Variants in RGS7 observed in about 807,000 individuals in gnomAD.
The protein encoded by RGS7 is regulator of G protein signaling 7, also known as regulator of G-protein signaling 7.
Under a neutral mutation model 81.1 loss-of-function variants are expected in RGS7, and 27 were observed. That is an observed-to-expected ratio of 0.33 (90% CI 0.25 to 0.46). The LOEUF (loss-of-function observed/expected upper bound fraction) is 0.46, where lower values mean the gene tolerates loss of function less well. Ranked by LOEUF, RGS7 falls within the 20% of genes least tolerant of loss-of-function variation. The pLI is 1.00. For missense variants in RGS7, 396 were observed against 607.4 expected, an observed-to-expected ratio of 0.65 and a Z score of 3.66; for synonymous variants, 208 against 207.7, an observed-to-expected ratio of 1.00 and a Z score of -0.01.
Position 241,089,063 on chromosome 1 carries a change from C to CTCTATA in RGS7, c.175+9602_175+9603insTATAGA, listed in dbSNP as rs1374552672. 1.7e-3 allele frequency among the ~76,000 whole-genome samples: 40 copies of CTCTATA among 23,686 alleles called. 2 individuals are homozygous for CTCTATA. Among genetic ancestry groups the CTCTATA allele is most frequent in the Non-Finnish European group, 2.1e-3 (28 of 13,448 alleles). The allele number at this position is 23,686 out of a possible 152,430, so 15.5% of individuals were successfully genotyped here. ...TCTCTCTCTCTCTCTCTCTCTCTCT[C>CTCTATA]TATATATATATATATATATATATAT... is the stretch of plus-strand genomic sequence containing the variant. On this transcript the variant is annotated intron_variant, in intron 3 of 18. Transcript: ENST00000440928.
chr1:240,920,626 CT>C, intron 6 of RGS7: 1 of 1,115,076 alleles, frequency 9.0e-7, no homozygotes, highest in Non-Finnish European at 1.3e-6. Context: ...GGAAACAAAG[CT>C]TAGCGGAAGA....
At chr1:241,293,970 A>G (rs2079240405) in intron 2 of RGS7, among the ~76,000 whole-genome samples, 1 of 152,208 alleles carries the variant, frequency 6.6e-6, no homozygotes, top group South Asian at 2.1e-4. Context: ...AAATCATTCT[A>G]CTATAAAGAC....
At chr1:240,936,557 G>C in intron 5 of RGS7, 43 bp downstream of exon 5, 1 of 1,412,678 alleles carries the variant, frequency 7.1e-7, no homozygotes, top group Non-Finnish European at 1.0e-6. Context: ...AACGAAATGC[G>C]GGCTTCTAGT....
At chr1:241,230,503 C>T (rs58320355) in intron 2 of RGS7, among the ~76,000 whole-genome samples, 18,202 of 152,214 alleles carry the variant, frequency 0.12, 1,298 homozygotes, top group Middle Eastern at 0.18. Context: ...CATGAGCCAC[C>T]GCACCCGGCC....
chr1:241,125,427 GACACACAC>G (rs59757330), intron 2 of RGS7, among the ~76,000 whole-genome samples: 2 of 149,240 alleles, frequency 1.3e-5, no homozygotes, highest in African/African-American at 2.4e-5. Context: ...CAAAGACATG[GACACACAC>G]ACACACACAC....
At chr1:241,296,467 A>C (rs1201507146) in intron 2 of RGS7, among the ~76,000 whole-genome samples, 5 of 152,268 alleles carry the variant, frequency 3.3e-5, no homozygotes, top group African/African-American at 1.2e-4. Context: ...TAAGTAAAAA[A>C]TAAGAAATAA....
intron 10 of RGS7, among the ~76,000 whole-genome samples, chr1:240,816,801 A>G (rs896583785): frequency 1.4e-4 from 22 of 152,366 alleles, no homozygotes; most frequent in African/African-American, 5.0e-4. Context: ...ATAACTCAAA[A>G]GAAGATTTAA....
chr1:241,348,170 T>TA (rs2083023146), intron 2 of RGS7, among the ~76,000 whole-genome samples: 2 of 152,222 alleles, frequency 1.3e-5, no homozygotes, highest in African/African-American at 2.4e-5. Context: ...CTCACGTGGC[T>TA]AGTGGCTACT....
intron 2 of RGS7, among the ~76,000 whole-genome samples, chr1:241,190,917 T>C (rs773574572): frequency 1.3e-5 from 2 of 152,188 alleles, no homozygotes; most frequent in African/African-American, 2.4e-5. Flanking sequence ...TTAAGTGTAA[T>C]GTTAGCTGTA....
intron 6 of RGS7, among the ~76,000 whole-genome samples, chr1:240,887,860 T>C (rs1375842651): frequency 2.0e-5 from 3 of 152,230 alleles, no homozygotes; most frequent in Non-Finnish European, 4.4e-5. Context: ...CTTTTATTTG[T>C]GTTATCACTT....
At chr1:240,831,769 G>A (rs1326741376) in intron 9 of RGS7, among the ~76,000 whole-genome samples, 1 of 151,918 alleles carries the variant, frequency 6.6e-6, no homozygotes, top group Non-Finnish European at 1.5e-5. Context: ...CTGAGTAGCT[G>A]GGATTACAGG....
chr1:240,869,928 G>C, intron 7 of RGS7, 127 bp downstream of exon 7: 1 of 865,826 alleles, frequency 1.2e-6, no homozygotes. Context: ...TGACAAGAGT[G>C]AAACTCCATC....
At position 240,875,335 on chromosome 1, in the gene RGS7, G is replaced by A. The variant is rs557615278; in HGVS notation, c.386-5216C>T. Among the ~76,000 whole-genome samples the A allele has an allele frequency of 1.6e-4, 25 of 152,238 alleles. No individual in the cohort carries two copies. The East Asian group carries it at 2.5e-3, about 15-fold the overall frequency. On this transcript the variant is annotated intron_variant, in intron 6 of 18. Coordinates refer to ENST00000440928, the MANE Select transcript of RGS7 (RefSeq NM_001364886.1). ...TCACTTAACATAATGTCCTCCAGGC[G>A]CATCATGTTGCTGCAAATACAAGAT...
At chr1:241,031,605 G>A (rs1000108537) in intron 3 of RGS7, among the ~76,000 whole-genome samples, 6 of 152,056 alleles carry the variant, frequency 3.9e-5, no homozygotes, top group African/African-American at 1.2e-4. Context: ...TTGTATAAAC[G>A]TTCCTTTTTC....
At chr1:241,221,901 C>T (rs2075038758) in intron 2 of RGS7, among the ~76,000 whole-genome samples, 1 of 152,156 alleles carries the variant, frequency 6.6e-6, no homozygotes, top group South Asian at 2.1e-4. Flanking sequence ...CTCTCTCTCT[C>T]TCTCTTTATA....
At chr1:240,924,348 C>T (rs1365656750) in intron 6 of RGS7, among the ~76,000 whole-genome samples, 1 of 152,186 alleles carries the variant, frequency 6.6e-6, no homozygotes, top group Non-Finnish European at 1.5e-5. Context: ...GCACTAGCTA[C>T]AGTCTTTCTC....
chr1:241,323,825 T>C (rs1251370397), intron 2 of RGS7, among the ~76,000 whole-genome samples: 1 of 152,128 alleles, frequency 6.6e-6, no homozygotes, highest in Non-Finnish European at 1.5e-5. Context: ...CTAAATTATT[T>C]GGACAGACAC....
intron 3 of RGS7, chr1:240,998,849 G>T: frequency 5.9e-6 from 3 of 508,354 alleles, no homozygotes; most frequent in South Asian, 3.4e-5. Flanking sequence ...CGAGCACCTT[G>T]GTGGCAGCTG....
At chr1:241,048,987 T>C (rs1410617774) in intron 3 of RGS7, among the ~76,000 whole-genome samples, 1 of 152,196 alleles carries the variant, frequency 6.6e-6, no homozygotes, top group Non-Finnish European at 1.5e-5. Context: ...GTGTCTCCCT[T>C]CATTGTCACA....
Sources: gnomAD v4.1 joint callset for allele counts (sites outside exome capture counted in the v4.1 genomes callset) on GRCh38, gnomAD v4.1.1 for gene constraint, MANE v1.5 for transcripts, NCBI Gene and HGNC (gene_info 2026-07-23, HGNC 2026-07-21) for gene names.